The following RAB21 variants were observed in gnomAD, a reference collection of about 807,000 sequenced individuals.
The protein encoded by RAB21 is RAB21, member RAS oncogene family, also known as ras-related protein Rab-21.
A neutral mutation model predicts 33.1 loss-of-function variants in RAB21; 13 were observed. The ratio of observed to expected loss-of-function variants is 0.39; its 90% CI spans 0.26 to 0.62. RAB21 has a LOEUF of 0.62. RAB21 is among the 20% of genes least tolerant of loss of function. RAB21 has a pLI of 0.48. For missense variants in RAB21, 234 were observed against 279.1 expected, an observed-to-expected ratio of 0.84 and a Z score of 1.15; for synonymous variants, 91 against 103.7, an observed-to-expected ratio of 0.88 and a Z score of 0.74.
At chr12:71,781,061 T>C (rs1020938302) in intron 4 of RAB21, among the ~76,000 whole-genome samples, 1 of 152,184 alleles carries the variant, frequency 6.6e-6, no homozygotes, top group Non-Finnish European at 1.5e-5. Flanking sequence ...TTTTTAAAAG[T>C]ATAATCCCAG....
chr12:71,756,224 G>A (rs1436861320), intron 1 of RAB21, among the ~76,000 whole-genome samples: 2 of 152,174 alleles, frequency 1.3e-5, no homozygotes, highest in Non-Finnish European at 2.9e-5. Flanking sequence ...TTAACTAGCT[G>A]TGTCATACTG....
chr12:71,779,588 T>C (rs1312154073), intron 4 of RAB21, among the ~76,000 whole-genome samples: 2 of 152,222 alleles, frequency 1.3e-5, no homozygotes, highest in Admixed American at 6.5e-5. Flanking sequence ...AAGCATAATA[T>C]GATTCTAGTT....
chr12:71,768,695 C>G (rs181581251), intron 1 of RAB21, among the ~76,000 whole-genome samples: 9 of 152,220 alleles, frequency 5.9e-5, no homozygotes, highest in Admixed American at 2.0e-4. Context: ...GTGATTCTCC[C>G]TTGTCAGTAG....
intron 3 of RAB21, 42 bp from the exon 4 acceptor site, chr12:71,773,917 C>G: frequency 7.1e-7 from 1 of 1,407,500 alleles, no homozygotes; most frequent in Non-Finnish European, 9.8e-7. Context: ...AGTAGTAATT[C>G]CAACAGGATT....
chr12:71,757,896 C>T (rs1260675071), intron 1 of RAB21, among the ~76,000 whole-genome samples: 1 of 151,512 alleles, frequency 6.6e-6, no homozygotes, highest in Non-Finnish European at 1.5e-5. Context: ...ATGTATGGAT[C>T]ACTATTTTGG....
At chr12:71,778,978 A>G (rs538639764) in intron 4 of RAB21, among the ~76,000 whole-genome samples, 13 of 152,330 alleles carry the variant, frequency 8.5e-5, no homozygotes, top group Middle Eastern at 3.4e-3. Context: ...TTGTCTTACA[A>G]CAATATTGAC....
intron 1 of RAB21, 102 bp downstream of exon 1, chr12:71,755,390 C>T: frequency 7.6e-7 from 1 of 1,311,076 alleles, no homozygotes; most frequent in Non-Finnish European, 9.9e-7. Context: ...GCTGGCAAAT[C>T]TCAGGCCTGT....
At position 71,755,145 on chromosome 12, in the gene RAB21, G is replaced by A. The variant is rs748485239; in HGVS notation, c.16G>A (p.Gly6Ser). The A allele has an allele frequency of 6.3e-6, 8 of 1,276,346 alleles. No homozygotes were observed. The highest frequency in any genetic ancestry group is 1.6e-5 in the African/African-American group (1 of 63,746). The allele number at this position is 1,276,346 out of a possible 1,614,324, so 79.1% of individuals were successfully genotyped here. The change falls in exon 1 of 7, where the codon GGC (glycine) becomes AGC (serine). Residue 6 changes from glycine to serine, a missense_variant. Gly to Ser is a moderately conservative substitution (Grantham distance 56). Coordinates refer to ENST00000261263, the MANE Select transcript of RAB21 (RefSeq NM_014999.4). ...AAGCGACGGGATGGCTGCGGCCGGC[G>A]GCGGCGGCGGCGGGGCGGCGGCGGC... is the stretch of plus-strand genomic sequence containing the variant. MAAAG[G>S]GGGGAAAAGR...
intron 4 of RAB21, among the ~76,000 whole-genome samples, chr12:71,779,345 A>C (rs140078459): frequency 0.016 from 2,426 of 152,138 alleles, 59 homozygotes; most frequent in African/African-American, 0.055. Flanking sequence ...CTGTAGTCCC[A>C]CTCGGGGCTG....
In RAB21 at chr12:71,767,968, C is replaced by T. The variant is rs564847098; in HGVS notation, c.160-1832C>T. 3.9e-5 allele frequency among the ~76,000 whole-genome samples: 6 copies of T among 152,236 alleles called. 1 individual carries two copies. Among genetic ancestry groups the T allele is most frequent in the Admixed American group, 3.9e-4 (6 of 15,282 alleles). ...GTGGCAAAGCTGAGATTCAAATCCA[C>T]AGGTTCTGCTCCAAAGTTCATATTC... On this transcript the variant is annotated intron_variant, in intron 1 of 6. Coordinates refer to ENST00000261263, the MANE Select transcript of RAB21 (RefSeq NM_014999.4).
intron 1 of RAB21, among the ~76,000 whole-genome samples, chr12:71,762,107 G>A (rs1207405622): frequency 6.6e-6 from 1 of 152,114 alleles, no homozygotes; most frequent in East Asian, 1.9e-4. Context: ...GAGTTTTTGT[G>A]AATGTGGCCA....
In RAB21 at chr12:71,790,454, G is replaced by T. The variant is rs1447041867; in HGVS notation, c.*4781G>T. On this transcript the variant is annotated 3_prime_UTR_variant, in exon 7 of 7. Transcript: ENST00000261263. Reference sequence around the variant, plus strand: ...ATAATGTTGAAAAGTAGAAAGAAGTGGTATCTGCTAAACTCTAGCTTTAGT... The same window carrying T: ...ATAATGTTGAAAAGTAGAAAGAAGTTGTATCTGCTAAACTCTAGCTTTAGT... The T allele has an allele frequency of 6.6e-6, 1 of 151,934 alleles. No homozygotes were observed. Among genetic ancestry groups the T allele is most frequent in the Non-Finnish European group, 1.5e-5 (1 of 67,954 alleles). The allele number at this position is 151,934 out of a possible 1,614,324, so 9.4% of individuals were successfully genotyped here. A position where few individuals can be genotyped will look rare whatever the true frequency, so the allele number is the denominator to read the frequency against.
intron 6 of RAB21, among the ~76,000 whole-genome samples, chr12:71,784,504 G>A (rs1052395914): frequency 3.3e-5 from 5 of 150,212 alleles, no homozygotes; most frequent in Admixed American, 3.3e-4. Flanking sequence ...TTAAGGTGTG[G>A]GTTAAGGTTG....
rs1388710300 is a variant in RAB21 at position 71,785,877 on chromosome 12, ATGTTTTTTTTTGTTTTTTTTT to A, written c.*226_*246del. On this transcript the variant is annotated 3_prime_UTR_variant, in exon 7 of 7. Transcript: ENST00000261263. ...ACCAGAGAATTGGCATTTTCTACAA[ATGTTTTTTTTTGTTTTTTTTT>A]TGTTTTTTTTTGTTTTTTTTTGAGA... 2.5e-3 allele frequency: 1,287 copies of A among 517,616 alleles called. 22 individuals are homozygous for A. In the East Asian group the frequency reaches 0.036, roughly 14 times the overall value. 32.1% of individuals were successfully genotyped at this position (517,616 alleles called of 1,614,324 possible).
intron 1 of RAB21, among the ~76,000 whole-genome samples, chr12:71,767,839 C>G (rs1466499879): frequency 6.6e-6 from 1 of 152,158 alleles, no homozygotes; most frequent in African/African-American, 2.4e-5. Context: ...ATTGACCTAT[C>G]CATTAAATAT....
intron 4 of RAB21, 189 bp downstream of exon 4, chr12:71,774,211 C>CTGAGG: frequency 3.4e-6 from 1 of 298,504 alleles, no homozygotes; most frequent in Non-Finnish European, 5.9e-6. Context: ...CCTTGGGAGG[C>CTGAGG]CAAAGTGGGT....
At chr12:71,759,260 G>A (rs1478689898) in intron 1 of RAB21, among the ~76,000 whole-genome samples, 1 of 152,194 alleles carries the variant, frequency 6.6e-6, no homozygotes, top group East Asian at 1.9e-4. Context: ...TCCTGGACAT[G>A]GCAAAGAATA....
rs546380441 is a variant in RAB21, at chr12:71,777,493, G to A, written c.391+3471G>A. ...CACTTCTTGATTTTTATTCTCTGTT[G>A]TAGTAGTTCAGTGTTTATTCTCTCT... On this transcript the variant is annotated intron_variant, in intron 4 of 6. Transcript: ENST00000261263. Among the ~76,000 whole-genome samples, 32 of 152,104 alleles carry A rather than the reference G, an allele frequency of 2.1e-4. 2 individuals carry two copies. In the South Asian group the frequency reaches 6.7e-3, roughly 32 times the overall value.
chr12:71,765,764 G>A lies in RAB21; in HGVS notation c.160-4036G>A, dbSNP rs534937144. Among the ~76,000 whole-genome samples the A allele has an allele frequency of 2.6e-5, 4 of 152,184 alleles. No individual in the cohort carries two copies. The East Asian group carries it at 7.7e-4, about 29-fold the overall frequency. ...TTTGTCGAAGATCAGGTAAGTGTAA[G>A]TATTTGGCTTTATTTCTGCGTTCTC... On this transcript the variant is annotated intron_variant, in intron 1 of 6. Coordinates refer to ENST00000261263, the MANE Select transcript of RAB21 (RefSeq NM_014999.4).
Sources: allele counts gnomAD v4.1 joint callset (sites outside exome capture counted in the v4.1 genomes callset), GRCh38; gene constraint gnomAD v4.1.1; transcripts MANE v1.5; gene names NCBI Gene and HGNC (gene_info 2026-07-23, HGNC 2026-07-21).